ZFTA: variants seen among roughly 807,000 people sequenced by gnomAD.
ZFTA encodes the protein zinc finger translocation-associated protein.
A neutral mutation model predicts 41.8 loss-of-function variants in ZFTA; 35 were observed. That is an observed-to-expected ratio of 0.84 (90% CI 0.64 to 1.11). The LOEUF is 1.11. ZFTA is among the 50% of genes most tolerant of loss of function. The pLI, the probability that ZFTA is intolerant of heterozygous loss-of-function variation, is 0.00. For synonymous variants in ZFTA, 514 were observed against 436.4 expected (o/e 1.18, Z -2.22); for missense variants, 964 against 989.8 (o/e 0.97, Z 0.35).
At chr11:63,764,712 CTG>C in intron 3 of ZFTA, 114 bp from the exon 4 acceptor site, 1 of 1,337,598 alleles carries the variant, frequency 7.5e-7, no homozygotes, top group African/African-American at 1.5e-5. Context: ...AGGCCCCAGT[CTG>C]TCTCTGTCTG....
rs914498038 is a variant in ZFTA at position 63,768,667 on chromosome 11, C to T, written c.-45G>A. 729 of 936,568 alleles carry T rather than the reference C, an allele frequency of 7.8e-4. No homozygotes were observed. The highest frequency in any genetic ancestry group is 9.0e-4 in the Non-Finnish European group (710 of 789,902). 58.0% of individuals were successfully genotyped at this position (936,568 alleles called of 1,614,324 possible). A position where few individuals can be genotyped will look rare whatever the true frequency, so the allele number is the denominator to read the frequency against. On this transcript the variant is annotated 5_prime_UTR_variant, in exon 1 of 5. Coordinates refer to ENST00000433688, the MANE Select transcript of ZFTA (RefSeq NM_001144936.2). Reference sequence around the variant, plus strand: ...GGCCCCGGGGCGGCGGGGCGCGGGGCCGCGGGGCCGGCGGCAGCCCGCGCG... The same window carrying T: ...GGCCCCGGGGCGGCGGGGCGCGGGGTCGCGGGGCCGGCGGCAGCCCGCGCG...
In ZFTA at chr11:63,768,625, G is replaced by A. The variant is rs1370363618; in HGVS notation, c.-3C>T. 4.0e-6 allele frequency: 4 copies of A among 992,486 alleles called. No homozygotes were observed. The highest frequency in any genetic ancestry group is 4.8e-6 in the Non-Finnish European group (4 of 836,866). 61.5% of individuals were successfully genotyped at this position (992,486 alleles called of 1,614,324 possible). ...CGGTGGTCCCCGCCGGGCTCCATGC[G>A]CTGCGCTGCGGAGCGGGGCCCCGGG... On this transcript the variant is annotated 5_prime_UTR_variant, in exon 1 of 5. Coordinates refer to ENST00000433688, the MANE Select transcript of ZFTA (RefSeq NM_001144936.2).
At position 63,765,034 on chromosome 11, in the gene ZFTA, C is replaced by T; in HGVS notation, c.858G>A (p.Met286Ile). The T allele has an allele frequency of 6.5e-7, 1 of 1,548,972 alleles. No individual in the cohort carries two copies. Among genetic ancestry groups the T allele is most frequent in the South Asian group, 1.2e-5 (1 of 84,004 alleles). Residue 286 changes from methionine to isoleucine, a missense_variant, in exon 3 of 5, where the codon ATG (methionine) becomes ATA (isoleucine). Around this residue, in one of 5 missense-constraint regions of ZFTA, gnomAD observed 584 missense variants for 523.1 expected, o/e 1.12. Coordinates refer to ENST00000433688, the MANE Select transcript of ZFTA (RefSeq NM_001144936.2). The surrounding 1 kb of genome is among the most constrained non-coding windows in gnomAD (Gnocchi z 4.0). The part of the protein sequence containing the change: ...YDPRGNRLVC[M>I]ACGRALPSLH... Reference sequence around the variant, plus strand: ...GGCTGGGCAGTGCCCGGCCACAGGCCATGCACACCAGCCGGTTCCCCCGCG... The same window carrying T: ...GGCTGGGCAGTGCCCGGCCACAGGCTATGCACACCAGCCGGTTCCCCCGCG...
chr11:63,768,589 T>A lies in ZFTA; in HGVS notation c.34A>T (p.Ser12Cys), dbSNP rs1359671791. Residue 12 changes from serine to cysteine, a missense_variant, in exon 1 of 5, where the codon AGC becomes TGC. Physicochemically the swap from Ser to Cys is moderately radical, Grantham distance 112. Around this residue, in one of 5 missense-constraint regions of ZFTA, gnomAD observed 111 missense variants for 93.2 expected, o/e 1.19. Transcript: ENST00000433688. ...EPGGDHRSRS[S>C]GGRGGPGPAV... ...GGCCCGGGGCCGCCCCTGCCGCCGCTGCTCCGGCTCCGGTGGTCCCCGCCG... is the reference window on the plus strand; with the variant it reads ...GGCCCGGGGCCGCCCCTGCCGCCGCAGCTCCGGCTCCGGTGGTCCCCGCCG... 3.9e-6 allele frequency: 4 copies of A among 1,038,390 alleles called. No homozygotes were observed. Among genetic ancestry groups the A allele is most frequent in the Non-Finnish European group, 4.6e-6 (4 of 867,970 alleles). The allele number at this position is 1,038,390 out of a possible 1,614,324, so 64.3% of individuals were successfully genotyped here.
Position 63,766,088 on chromosome 11 carries a change from G to C in ZFTA, c.356C>G (p.Pro119Arg). 1 of 1,533,730 alleles carries C rather than the reference G, an allele frequency of 6.5e-7. No individual in the cohort carries two copies. The highest frequency in any genetic ancestry group is 8.8e-7 in the Non-Finnish European group (1 of 1,136,198). ...WRLEYLMDFN[P>R]ARHGMVCMVC... is the part of the protein sequence containing the mutation. ...CATGCACACCATGCCGTGCCGGGCA[G>C]GGTTGAAGTCCATCAGGTACTCCAG... Residue 119 changes from proline to arginine, a missense_variant, in exon 2 of 5, where the codon CCT becomes CGT. Physicochemically the swap from Pro to Arg is moderately radical, Grantham distance 103. This residue lies in a region of ZFTA where 141 missense variants were observed against 216.7 expected (regional missense o/e 0.65). Transcript: ENST00000433688.
rs1354388515 is a variant in ZFTA, at chr11:63,763,268, G to A, written c.*150C>T. 1 of 446,404 alleles carries A rather than the reference G, an allele frequency of 2.2e-6. No homozygotes were observed. The highest frequency in any genetic ancestry group is 9.8e-4 in the Middle Eastern group (1 of 1,022). The allele number at this position is 446,404 out of a possible 1,614,324, so 27.7% of individuals were successfully genotyped here. ...CGCCGGTGGCCCCACCCGATCCCCC[G>A]TCTCCGCCCGGCCCGGCCAGCGGGG... On this transcript the variant is annotated 3_prime_UTR_variant, in exon 5 of 5. Transcript: ENST00000433688.
In ZFTA at chr11:63,764,143, GGGGCGGCCCCAGGGCCAGCAGGT is replaced by G. The variant is rs769983648; in HGVS notation, c.1457_1479del (p.His486ProfsTer141). On this transcript the variant is annotated frameshift_variant, in exon 4 of 5. Coordinates refer to ENST00000433688, the MANE Select transcript of ZFTA (RefSeq NM_001144936.2). LOFTEE classifies it high-confidence loss of function. ...ATGGGGCCCTGGGGGGACTCGGGGC[GGGGCGGCCCCAGGGCCAGCAGGT>G]GGGCGGCCTTCTCGCTCCACTCCCG... 1 of 1,349,178 alleles carries G rather than the reference GGGGCGGCCCCAGGGCCAGCAGGT, an allele frequency of 7.4e-7. No individual in the cohort carries two copies. The highest frequency in any genetic ancestry group is 1.5e-5 in the African/African-American group (1 of 64,950). The allele number at this position is 1,349,178 out of a possible 1,614,324, so 83.6% of individuals were successfully genotyped here. A position where few individuals can be genotyped will look rare whatever the true frequency, so the allele number is the denominator to read the frequency against.
Position 63,764,228 on chromosome 11 carries a change from G to A in ZFTA, c.1395C>T (p.Ser465=). The A allele has an allele frequency of 7.0e-7, 1 of 1,437,022 alleles. No homozygotes were observed. Among genetic ancestry groups the A allele is most frequent in the Non-Finnish European group, 9.0e-7 (1 of 1,105,054 alleles). 89.0% of individuals were successfully genotyped at this position (1,437,022 alleles called of 1,614,324 possible). The change falls in exon 4 of 5, where the codon TCC becomes TCT. Residue 465 remains serine (S), a synonymous_variant. Coordinates refer to ENST00000433688, the MANE Select transcript of ZFTA (RefSeq NM_001144936.2). The part of the protein sequence containing the change: ...ERHIRRRHPG[S]TRLGGPVQAL... Reference sequence around the variant, plus strand: ...CCTGGACAGGCCCGCCGAGGCGCGTGGAGCCCGGGTGGCGCCGGCGGATGT... The same window carrying A: ...CCTGGACAGGCCCGCCGAGGCGCGTAGAGCCCGGGTGGCGCCGGCGGATGT...
At position 63,763,233 on chromosome 11, in the gene ZFTA, A is replaced by T. The variant is rs889601376; in HGVS notation, c.*185T>A. 7 of 258,648 alleles carry T rather than the reference A, an allele frequency of 2.7e-5. No homozygotes were observed. The highest frequency in any genetic ancestry group is 4.8e-5 in the Non-Finnish European group (7 of 145,784). The allele number at this position is 258,648 out of a possible 1,614,324, so 16.0% of individuals were successfully genotyped here. A position where few individuals can be genotyped will look rare whatever the true frequency, so the allele number is the denominator to read the frequency against. ...CGACTGGCTCAGGGACCCAAGTGGC[A>T]CCGCGCAGACGCCGGTGGCCCCACC... On this transcript the variant is annotated 3_prime_UTR_variant, in exon 5 of 5. Transcript: ENST00000433688.
intron 1 of ZFTA, among the ~76,000 whole-genome samples, chr11:63,766,860 TC>T (rs1352160587): frequency 6.6e-6 from 1 of 152,192 alleles, no homozygotes; most frequent in African/African-American, 2.4e-5. Context: ...CATTGTCAGT[TC>T]CCCAAATCTA....
chr11:63,768,711 GC>G lies in ZFTA; in HGVS notation c.-90del. ...CCGCGCGGAGCGCTCGCTGCGCGGG[GC>G]CCCGGGGCGCGGGGCGCATGCACGG... On this transcript the variant is annotated 5_prime_UTR_variant, in exon 1 of 5. Coordinates refer to ENST00000433688, the MANE Select transcript of ZFTA (RefSeq NM_001144936.2). The G allele has an allele frequency of 1.8e-6, 1 of 566,348 alleles. No homozygotes were observed. The highest frequency in any genetic ancestry group is 2.2e-6 in the Non-Finnish European group (1 of 450,798). 35.1% of individuals were successfully genotyped at this position (566,348 alleles called of 1,614,324 possible).
intron 1 of ZFTA, among the ~76,000 whole-genome samples, chr11:63,767,958 GAGA>G (rs1188346795): frequency 1.3e-5 from 2 of 151,986 alleles, no homozygotes; most frequent in African/African-American, 2.4e-5. Flanking sequence ...CTTTCCTAGG[GAGA>G]ATGTGGGAGA....
Position 63,766,178 on chromosome 11 carries a change from G to A in ZFTA, c.266C>T (p.Ser89Leu). ...AGGGATGCGGCTCTTTCCAGGCCTC[G>A]AGGCCCGGGCCTCACAGTGGTCTGA... Reference protein sequence around the residue: ...KYSDHCEARASRPGKSRIPGR... With the variant: ...KYSDHCEARALRPGKSRIPGR... Residue 89 changes from serine to leucine, a missense_variant, in exon 2 of 5, where the codon TCG (serine) becomes TTG (leucine). Around this residue, in one of 5 missense-constraint regions of ZFTA, gnomAD observed 141 missense variants for 216.7 expected, o/e 0.65. Transcript: ENST00000433688. 6.6e-7 allele frequency: 1 copy of A among 1,523,714 alleles called. No homozygotes were observed. The highest frequency in any genetic ancestry group is 8.8e-7 in the Non-Finnish European group (1 of 1,134,924). The allele number at this position is 1,523,714 out of a possible 1,614,324, so 94.4% of individuals were successfully genotyped here.
chr11:63,768,185 C>T (rs2014777310), intron 1 of ZFTA, among the ~76,000 whole-genome samples: 1 of 151,868 alleles, frequency 6.6e-6, no homozygotes, highest in South Asian at 2.1e-4. Context: ...CAGCCTCGCT[C>T]CGTGGCGCCC....
Position 63,764,508 on chromosome 11 carries a change from G to A in ZFTA, c.1115C>T (p.Pro372Leu), listed in dbSNP as rs910252886. Residue 372 changes from proline (P) to leucine (L), a missense_variant, in exon 4 of 5, where the codon CCA becomes CTA. This residue lies in a region of ZFTA where 584 missense variants were observed against 523.1 expected (regional missense o/e 1.12). Coordinates refer to ENST00000433688, the MANE Select transcript of ZFTA (RefSeq NM_001144936.2). ...CCAGCCAGCCTCTTCCTTTACGTCT[G>A]GGGGGCTGAGATCCTGAGAGGAGGG... Reference protein sequence around the residue: ...GAPSSQDLSPPDVKEEAGWVP... With the variant: ...GAPSSQDLSPLDVKEEAGWVP... 1 of 1,257,440 alleles carries A rather than the reference G, an allele frequency of 8.0e-7. No homozygotes were observed. Among genetic ancestry groups the A allele is most frequent in the Non-Finnish European group, 1.0e-6 (1 of 995,778 alleles). 77.9% of individuals were successfully genotyped at this position (1,257,440 alleles called of 1,614,324 possible). A position where few individuals can be genotyped will look rare whatever the true frequency, so the allele number is the denominator to read the frequency against.
At chr11:63,768,048 G>C (rs1049258421) in intron 1 of ZFTA, among the ~76,000 whole-genome samples, 2 of 152,176 alleles carry the variant, frequency 1.3e-5, no homozygotes, top group Non-Finnish European at 2.9e-5. Flanking sequence ...AGAGTTCGGA[G>C]CTGAGCTCAG....
Position 63,763,622 on chromosome 11 carries a change from C to T in ZFTA, c.1833G>A (p.Thr611=), listed in dbSNP as rs372788202. The change falls in exon 5 of 5, where the codon ACG becomes ACA. Residue 611 remains threonine, a synonymous_variant. Coordinates refer to ENST00000433688, the MANE Select transcript of ZFTA (RefSeq NM_001144936.2). Reference sequence around the variant, plus strand: ...GGCGCTTGATGGTGCTCACCTTGAGCGTGGCCAGCGCGCCCCCGCACACCA... The same window carrying T: ...GGCGCTTGATGGTGCTCACCTTGAGTGTGGCCAGCGCGCCCCCGCACACCA... ...VCMVCGGALA[T]LKVSTIKRHI... The T allele has an allele frequency of 1.5e-5, 23 of 1,548,426 alleles. No individual in the cohort carries two copies. Among genetic ancestry groups the T allele is most frequent in the Non-Finnish European group, 2.0e-5 (23 of 1,145,542 alleles).
intron 1 of ZFTA, among the ~76,000 whole-genome samples, chr11:63,767,965 T>C (rs1241714747): frequency 6.6e-6 from 1 of 151,168 alleles, no homozygotes; most frequent in African/African-American, 2.4e-5. Flanking sequence ...AGGGAGAATG[T>C]GGGAGAAAAG....
rs766636368 is a variant in ZFTA, at chr11:63,765,186, G to A, written c.706C>T (p.Arg236Cys). 3.3e-6 allele frequency: 5 copies of A among 1,521,792 alleles called. No homozygotes were observed. The highest frequency in any genetic ancestry group is 1.2e-5 in the South Asian group (1 of 80,282). The allele number at this position is 1,521,792 out of a possible 1,614,324, so 94.3% of individuals were successfully genotyped here. A position where few individuals can be genotyped will look rare whatever the true frequency, so the allele number is the denominator to read the frequency against. ...RGGPVAPRAR[R>C]LRLSASRRAG... is the part of the protein sequence containing the mutation. ...CTCCGGGAGGCTGAGAGGCGCAGAC[G>A]CCGAGCCCGGGGTGCCACTGGGCCC... Residue 236 changes from arginine to cysteine, a missense_variant, in exon 3 of 5, where the codon CGT becomes TGT. Transcript: ENST00000433688. This position sits in a 1 kb window ranked among gnomAD's most constrained non-coding sequence, Gnocchi z 4.0.
Sources: gnomAD v4.1 joint callset for allele counts (sites outside exome capture counted in the v4.1 genomes callset) on GRCh38, gnomAD v4.1.1 for gene constraint, gnomAD v4.1.1 regional missense constraint, Gnocchi (gnomAD v3.1) non-coding constraint, MANE v1.5 for transcripts, NCBI Gene and HGNC (gene_info 2026-07-23, HGNC 2026-07-21) for gene names.